The following TTC28 variants were observed in gnomAD, a reference collection of about 807,000 sequenced individuals.
TTC28 encodes the protein tetratricopeptide repeat protein 28.
In TTC28, 61 loss-of-function variants were observed where a neutral mutation model predicts 198.0. That is an observed-to-expected ratio of 0.31 (90% confidence interval 0.25 to 0.38). The LOEUF (loss-of-function observed/expected upper bound fraction) is 0.38, where lower values mean the gene tolerates loss of function less well. Among genes scored for constraint, TTC28 ranks in the 10% least tolerant of loss-of-function variants. TTC28 has a pLI of 1.00. For missense variants in TTC28, 2,678 were observed against 3,164.0 expected, an observed-to-expected ratio of 0.85 and a Z score of 3.69; for synonymous variants, 1,171 against 1,297.8, an observed-to-expected ratio of 0.90 and a Z score of 2.10.
chr22:28,160,188 C>T (rs1374926513), intron 6 of TTC28, among the ~76,000 whole-genome samples: 1 of 152,106 alleles, frequency 6.6e-6, no homozygotes, highest in Non-Finnish European at 1.5e-5. Flanking sequence ...CTTAATTGTA[C>T]ATTTGAAAAT....
intron 2 of TTC28, among the ~76,000 whole-genome samples, chr22:28,324,355 GAA>G (rs971639975): frequency 6.6e-6 from 1 of 150,822 alleles, no homozygotes; most frequent in Non-Finnish European, 1.5e-5. Context: ...CCAAACAACA[GAA>G]AAAGAGGGAC....
intron 2 of TTC28, among the ~76,000 whole-genome samples, chr22:28,468,728 G>A (rs1213381973): frequency 7.1e-6 from 1 of 140,726 alleles, no homozygotes; most frequent in Non-Finnish European, 1.5e-5. Flanking sequence ...TAGTAGAGAC[G>A]GGGTTTCATC....
In TTC28 at chr22:28,163,297, C is replaced by T; in HGVS notation, c.1236G>A (p.Lys412=). Reference sequence around the variant, plus strand: ...GGACATAGTTATGGTAAGACATGGCCTTGTCAAAGTTCCTCCGGTAGTGAT... The same window carrying T: ...GGACATAGTTATGGTAAGACATGGCTTTGTCAAAGTTCCTCCGGTAGTGAT... ...SAYHYRRNFD[K]AMSYHNYVLE... is the part of the protein sequence containing the mutation. Residue 412 remains lysine (K), a synonymous_variant, in exon 6 of 23, where the codon AAG becomes AAA. Transcript: ENST00000397906. The T allele has an allele frequency of 1.3e-6, 2 of 1,552,028 alleles. No homozygotes were observed. The highest frequency in any genetic ancestry group is 1.7e-6 in the Non-Finnish European group (2 of 1,147,060).
At chr22:28,304,836 T>C (rs1031420120) in intron 3 of TTC28, among the ~76,000 whole-genome samples, 1 of 152,188 alleles carries the variant, frequency 6.6e-6, no homozygotes, top group African/African-American at 2.4e-5. Context: ...TGGAGGGGTG[T>C]AGGGAGAGAA....
At chr22:28,493,300 G>C (rs1314360642) in intron 2 of TTC28, among the ~76,000 whole-genome samples, 1 of 152,132 alleles carries the variant, frequency 6.6e-6, no homozygotes. Context: ...AGGTTGCAGT[G>C]AGCAGAGATA....
chr22:28,036,292 A>G (rs1438390013), intron 12 of TTC28, among the ~76,000 whole-genome samples: 2 of 152,230 alleles, frequency 1.3e-5, no homozygotes, highest in African/African-American at 4.8e-5. Flanking sequence ...AGCAAATGTA[A>G]AAGAACAGAA....
chr22:28,152,169 G>C (rs184077128), intron 6 of TTC28, among the ~76,000 whole-genome samples: 3 of 152,320 alleles, frequency 2.0e-5, no homozygotes, highest in African/African-American at 7.2e-5. Context: ...CTAGCTCAAT[G>C]CAAGTAATCA....
chr22:28,038,249 A>G (rs918217168), intron 12 of TTC28, among the ~76,000 whole-genome samples: 1 of 152,074 alleles, frequency 6.6e-6, no homozygotes, highest in Non-Finnish European at 1.5e-5. Flanking sequence ...GGAGGCATCA[A>G]GCTACCTGAC....
chr22:28,218,049 G>C (rs1927544355), intron 5 of TTC28, among the ~76,000 whole-genome samples: 1 of 152,182 alleles, frequency 6.6e-6, no homozygotes, highest in African/African-American at 2.4e-5. Context: ...ACATAGATAT[G>C]TAATTGGAAA....
chr22:28,304,975 T>TTTA (rs761107916), intron 3 of TTC28, among the ~76,000 whole-genome samples: 1 of 134,186 alleles, frequency 7.5e-6, no homozygotes, highest in Non-Finnish European at 1.6e-5. Context: ...TTATTTATTA[T>TTTA]TTATTTATTT....
At chr22:28,220,780 T>C (rs1927793480) in intron 5 of TTC28, among the ~76,000 whole-genome samples, 1 of 152,238 alleles carries the variant, frequency 6.6e-6, no homozygotes, top group Non-Finnish European at 1.5e-5. Context: ...CACAAGGGCA[T>C]GAAGAAAGGC....
intron 14 of TTC28, chr22:28,008,609 G>T (rs1282125939): frequency 1.3e-5 from 2 of 152,226 alleles, no homozygotes; most frequent in Non-Finnish European, 2.9e-5. Context: ...TATAACTAGA[G>T]CAAGTCTAAA....
chr22:28,149,134 T>A (rs1943546523), intron 6 of TTC28, among the ~76,000 whole-genome samples: 1 of 152,216 alleles, frequency 6.6e-6, no homozygotes, highest in African/African-American at 2.4e-5. Context: ...TAGCCTATTG[T>A]TCCTAGGCTA....
intron 2 of TTC28, among the ~76,000 whole-genome samples, chr22:28,535,595 G>A (rs954376130): frequency 6.6e-6 from 1 of 152,026 alleles, no homozygotes; most frequent in Non-Finnish European, 1.5e-5. Flanking sequence ...CATATGGTTT[G>A]GCTCTGTGTC....
rs567749169 is a variant in TTC28 at position 28,078,284 on chromosome 22, A to T, written c.3932+15796T>A. Among the ~76,000 whole-genome samples the T allele has an allele frequency of 3.3e-5, 5 of 152,302 alleles. No individual in the cohort carries two copies. In the South Asian group the frequency reaches 1.0e-3, roughly 32 times the overall value. ...GGGTAATTGAATAAAGGTGTCTCCC[A>T]AGGCATAGAGACTCAGTTTCTAGGG... is the stretch of plus-strand genomic sequence containing the variant. On this transcript the variant is annotated intron_variant, in intron 12 of 22. Transcript: ENST00000397906.
At chr22:28,362,449 T>G (rs1601690033) in intron 2 of TTC28, among the ~76,000 whole-genome samples, 1 of 152,142 alleles carries the variant, frequency 6.6e-6, no homozygotes, top group Non-Finnish European at 1.5e-5. Flanking sequence ...TATGTCTTTA[T>G]CAGCAGCATG....
intron 1 of TTC28, among the ~76,000 whole-genome samples, chr22:28,642,120 G>A (rs1436629746): frequency 6.6e-6 from 1 of 151,640 alleles, no homozygotes; most frequent in African/African-American, 2.4e-5. Flanking sequence ...AGACCATATT[G>A]AGTCAAGAAT....
intron 2 of TTC28, among the ~76,000 whole-genome samples, chr22:28,432,232 G>A (rs2047442309): frequency 6.6e-6 from 1 of 151,748 alleles, no homozygotes; most frequent in African/African-American, 2.4e-5. Context: ...CTTGCAGTGA[G>A]CCGAGATCAC....
In TTC28 at chr22:28,014,235, A is replaced by C. The variant is rs939536472; in HGVS notation, c.4218+13T>G. 1.8e-5 allele frequency: 28 copies of C among 1,546,932 alleles called. No homozygotes were observed. Among genetic ancestry groups the C allele is most frequent in the Non-Finnish European group, 2.4e-5 (27 of 1,144,698 alleles). ...TGATGCGGAGGAGCCTTGTGCCCCC[A>C]GGAGGTGCTTACCCCTTCCATGGGC... On this transcript the variant is annotated intron_variant, in intron 14 of 22. Coordinates refer to ENST00000397906, the MANE Select transcript of TTC28 (RefSeq NM_001145418.2).
Sources: gnomAD v4.1 joint callset for allele counts (sites outside exome capture counted in the v4.1 genomes callset) on GRCh38, gnomAD v4.1.1 for gene constraint, MANE v1.5 for transcripts, NCBI Gene and HGNC (gene_info 2026-07-23, HGNC 2026-07-21) for gene names.